The following CTDSPL2 variants were observed in gnomAD, a reference collection of about 807,000 sequenced individuals.
The protein encoded by CTDSPL2 is CTD small phosphatase like 2.
In CTDSPL2, 5 loss-of-function variants were observed where a neutral mutation model predicts 60.0. The observed-to-expected ratio is 0.08, with a 90% CI of 0.04 to 0.18. The LOEUF (loss-of-function observed/expected upper bound fraction) is 0.18. Among genes scored for constraint, CTDSPL2 ranks in the 10% least tolerant of loss-of-function variants. The pLI is 1.00. For missense variants in CTDSPL2, 370 were observed against 548.8 expected, an observed-to-expected ratio of 0.67 and a Z score of 3.26; for synonymous variants, 186 against 189.3, an observed-to-expected ratio of 0.98 and a Z score of 0.14.
intron 5 of CTDSPL2, among the ~76,000 whole-genome samples, chr15:44,493,171 C>T (rs1420001604): frequency 6.6e-6 from 1 of 152,038 alleles, no homozygotes; most frequent in African/African-American, 2.4e-5. Context: ...AGAAACATCA[C>T]TATACAGTAT....
Position 44,472,952 on chromosome 15 carries a change from C to T in CTDSPL2, c.187-11272C>T, listed in dbSNP as rs141008022. Among the ~76,000 whole-genome samples the T allele has an allele frequency of 7.3e-3, 1,106 of 152,220 alleles. 10 individuals carry two copies. Among genetic ancestry groups the T allele is most frequent in the African/African-American group, 0.025 (1,035 of 41,540 alleles). ...CTGGGATTACAGGCTTGAGTCACTG[C>T]GCCAGGCCTAATTTTTGTATTTTTT... On this transcript the variant is annotated intron_variant, in intron 2 of 12. Transcript: ENST00000260327.
chr15:44,521,484 C>T, intron 12 of CTDSPL2, 78 bp downstream of exon 12: 2 of 820,776 alleles, frequency 2.4e-6, no homozygotes, highest in South Asian at 3.6e-5. Context: ...AATGTCTTTG[C>T]TTTGTGTGTA....
At chr15:44,505,080 T>C (rs1236528219) in intron 8 of CTDSPL2, among the ~76,000 whole-genome samples, 2 of 152,152 alleles carry the variant, frequency 1.3e-5, no homozygotes, top group East Asian at 1.9e-4. Context: ...TGGAAAAATA[T>C]ATTTTATGGG....
chr15:44,443,422 T>G (rs568235405), intron 1 of CTDSPL2, among the ~76,000 whole-genome samples: 1 of 152,336 alleles, frequency 6.6e-6, no homozygotes, highest in East Asian at 1.9e-4. Flanking sequence ...TACCTGGAAG[T>G]AGAATTGTTG....
chr15:44,480,142 T>C (rs1289774462), intron 2 of CTDSPL2, among the ~76,000 whole-genome samples: 1 of 152,170 alleles, frequency 6.6e-6, no homozygotes, highest in East Asian at 1.9e-4. Flanking sequence ...TTTCAAGAGT[T>C]CATAGGAGCA....
Position 44,496,382 on chromosome 15 carries a change from C to G in CTDSPL2, c.694C>G (p.Pro232Ala). 1 of 1,610,030 alleles carries G rather than the reference C, an allele frequency of 6.2e-7. No homozygotes were observed. The highest frequency in any genetic ancestry group is 8.5e-7 in the Non-Finnish European group (1 of 1,176,782). ...VNRDIPPLTA[P>A]VTPDSGYSSA... ...TTTTCTTTCACTATGTTAAATAGCACCAGTAACTCCAGATAGTGGTTATTC... is the reference window on the plus strand; with the variant it reads ...TTTTCTTTCACTATGTTAAATAGCAGCAGTAACTCCAGATAGTGGTTATTC... Residue 232 changes from proline to alanine, a missense_variant and splice_region_variant, in exon 6 of 13, where the codon CCA (proline) becomes GCA (alanine). Transcript: ENST00000260327.
At chr15:44,463,618 C>T (rs917912471) in intron 2 of CTDSPL2, among the ~76,000 whole-genome samples, 2 of 152,176 alleles carry the variant, frequency 1.3e-5, no homozygotes, top group African/African-American at 4.8e-5. Context: ...TTTTCCCAGA[C>T]AACTAATCCT....
At chr15:44,506,412 C>CCTTTTTTTTTTTTTTTTTTTTT (rs2081465570) in intron 8 of CTDSPL2, among the ~76,000 whole-genome samples, 1 of 112,396 alleles carries the variant, frequency 8.9e-6, no homozygotes, top group South Asian at 3.0e-4. Flanking sequence ...CCTACTTTGA[C>CCTTTTTTTTTTTTTTTTTTTTT]TTTTTTTTTT....
chr15:44,493,154 A>G (rs917306368), intron 5 of CTDSPL2, among the ~76,000 whole-genome samples: 1 of 152,146 alleles, frequency 6.6e-6, no homozygotes, highest in African/African-American at 2.4e-5. Flanking sequence ...TGAAGAGCCA[A>G]ATATACAGAA....
intron 5 of CTDSPL2, among the ~76,000 whole-genome samples, chr15:44,495,984 A>C (rs2081293347): frequency 6.6e-6 from 1 of 152,154 alleles, no homozygotes; most frequent in African/African-American, 2.4e-5. Flanking sequence ...GCATACATTT[A>C]CTGACTGCGT....
chr15:44,455,548 G>C (rs1195196655), intron 1 of CTDSPL2, among the ~76,000 whole-genome samples: 1 of 151,912 alleles, frequency 6.6e-6, no homozygotes, highest in Non-Finnish European at 1.5e-5. Flanking sequence ...TATGATATTG[G>C]CTGTGGGTTT....
At chr15:44,504,530 T>A (rs551524521) in intron 8 of CTDSPL2, among the ~76,000 whole-genome samples, 2 of 152,302 alleles carry the variant, frequency 1.3e-5, no homozygotes, top group East Asian at 3.9e-4. Flanking sequence ...AAATTGATAC[T>A]AACCAACATG....
chr15:44,431,111 C>T (rs962840052), intron 1 of CTDSPL2, among the ~76,000 whole-genome samples: 6 of 151,424 alleles, frequency 4.0e-5, no homozygotes, highest in East Asian at 1.9e-4. Flanking sequence ...TGTGAGCCAC[C>T]GCATCTGGCC....
In CTDSPL2 at chr15:44,433,329, A is replaced by AG. The variant is rs750996948; in HGVS notation, c.-25+5558dup. Among the ~76,000 whole-genome samples the AG allele has an allele frequency of 2.1e-3, 305 of 145,690 alleles. 12 individuals carry two copies. In the East Asian group the frequency reaches 0.053, roughly 26 times the overall value. The stretch of plus-strand genomic sequence containing the variant: ...GTAACAGAGCAAGACCCTGTCTCAA[A>AG]GAAAAAAAAAAAAAAAAAAAGGACA... On this transcript the variant is annotated intron_variant, in intron 1 of 12. Coordinates refer to ENST00000260327, the MANE Select transcript of CTDSPL2 (RefSeq NM_016396.3).
At chr15:44,494,773 G>A (rs1264571787) in intron 5 of CTDSPL2, among the ~76,000 whole-genome samples, 3 of 151,650 alleles carry the variant, frequency 2.0e-5, no homozygotes, top group Non-Finnish European at 2.9e-5. Context: ...AAAATTAGCC[G>A]GGCGTGGTAG....
rs571466495 is a variant in CTDSPL2, at chr15:44,481,802, A to T, written c.187-2422A>T. Among the ~76,000 whole-genome samples the T allele has an allele frequency of 2.6e-4, 39 of 152,208 alleles. No individual in the cohort carries two copies. In the South Asian group the frequency reaches 8.1e-3, roughly 32 times the overall value. ...TGGTCAGGCTGGTCCCGAACTCCCAACCTCAGGTGATCCGCCTGCCTCGGC... is the reference window on the plus strand; with the variant it reads ...TGGTCAGGCTGGTCCCGAACTCCCATCCTCAGGTGATCCGCCTGCCTCGGC... On this transcript the variant is annotated intron_variant, in intron 2 of 12. Coordinates refer to ENST00000260327, the MANE Select transcript of CTDSPL2 (RefSeq NM_016396.3).
Position 44,499,823 on chromosome 15 carries a change from A to AT in CTDSPL2, c.969+17dup. On this transcript the variant is annotated intron_variant, in intron 8 of 12. Coordinates refer to ENST00000260327, the MANE Select transcript of CTDSPL2 (RefSeq NM_016396.3). ...AGATGTCATTTATCAGGTAATTAAA[A>AT]TTTTTTTGATGATTTTTGGCCTGAT... 3 of 1,564,042 alleles carry AT rather than the reference A, an allele frequency of 1.9e-6. No homozygotes were observed. Among genetic ancestry groups the AT allele is most frequent in the Non-Finnish European group, 1.8e-6 (2 of 1,139,828 alleles).
chr15:44,459,657 G>A (rs1157546267), intron 2 of CTDSPL2, among the ~76,000 whole-genome samples: 2 of 152,186 alleles, frequency 1.3e-5, no homozygotes, highest in African/African-American at 2.4e-5. Flanking sequence ...TTTAATGGCA[G>A]TTTAAGAAGA....
At position 44,460,360 on chromosome 15, in the gene CTDSPL2, G is replaced by A. The variant is rs367874901; in HGVS notation, c.186+1160G>A. On this transcript the variant is annotated intron_variant, in intron 2 of 12. Coordinates refer to ENST00000260327, the MANE Select transcript of CTDSPL2 (RefSeq NM_016396.3). ...CCTGACCTTGTGATTCGTCCGCCTCGGCCTCCCAAAGTGCTGGGATTATAG... is the reference window on the plus strand; with the variant it reads ...CCTGACCTTGTGATTCGTCCGCCTCAGCCTCCCAAAGTGCTGGGATTATAG... 4.5e-3 allele frequency among the ~76,000 whole-genome samples: 691 copies of A among 152,152 alleles called. 4 individuals carry two copies. The highest frequency in any genetic ancestry group is 0.016 in the African/African-American group (651 of 41,492).
Sources: allele counts gnomAD v4.1 joint callset (sites outside exome capture counted in the v4.1 genomes callset), GRCh38; gene constraint gnomAD v4.1.1; transcripts MANE v1.5; gene names NCBI Gene and HGNC (gene_info 2026-07-23, HGNC 2026-07-21).